Variants in RBFOX3 observed in about 807,000 individuals in gnomAD.
RBFOX3 encodes RNA binding fox-1 homolog 3.
In RBFOX3, 17 loss-of-function variants were observed where a neutral mutation model predicts 48.7. The ratio of observed to expected loss-of-function variants is 0.35; its 90% confidence interval spans 0.24 to 0.52. The LOEUF (loss-of-function observed/expected upper bound fraction) is 0.52, where lower values mean the gene tolerates loss of function less well. Among genes scored for constraint, RBFOX3 ranks in the 20% least tolerant of loss-of-function variants. The probability of loss-of-function intolerance (pLI) is 0.94; values close to 1 mark genes in which losing one functional copy is unlikely to be tolerated. For synonymous variants in RBFOX3, 212 were observed against 209.5 expected, an observed-to-expected ratio of 1.01 and a Z score of -0.10; for missense variants, 382 against 497.5, an observed-to-expected ratio of 0.77 and a Z score of 2.21.
intron 1 of RBFOX3, among the ~76,000 whole-genome samples, chr17:79,605,367 C>T (rs965505178): frequency 1.3e-5 from 2 of 152,192 alleles, no homozygotes; most frequent in Admixed American, 1.3e-4. Context: ...GTTTCCTTGC[C>T]TGCAAATGGG....
intron 1 of RBFOX3, among the ~76,000 whole-genome samples, chr17:79,538,263 G>A (rs1555789267): frequency 1.3e-5 from 2 of 152,176 alleles, no homozygotes; most frequent in Non-Finnish European, 2.9e-5. Flanking sequence ...GAGCATCTGT[G>A]TGTGCCTGGC....
At chr17:79,156,583 T>G (rs1301957381) in intron 4 of RBFOX3, among the ~76,000 whole-genome samples, 6 of 152,206 alleles carry the variant, frequency 3.9e-5, no homozygotes, top group Non-Finnish European at 5.9e-5. Flanking sequence ...AATTCAGCCT[T>G]TGGGCCAAAT....
intron 14 of RBFOX3, chr17:79,092,492 C>A: frequency 1.0e-6 from 1 of 985,764 alleles, no homozygotes; most frequent in Non-Finnish European, 1.2e-6. Flanking sequence ...TGTCGCTGAC[C>A]GGGAGGGGTG....
chr17:79,363,601 T>A lies in RBFOX3; in HGVS notation c.-174-55777A>T, dbSNP rs1372068318. ...CCCTGGGGGGTCTCCGCGAGCAACA[T>A]ACCTCTTACCCAGGGGCCCAATCGA... On this transcript the variant is annotated intron_variant, in intron 2 of 14. Transcript: ENST00000693108. The surrounding 1 kb of genome is among the most constrained non-coding windows in gnomAD (Gnocchi z 4.7). Among the ~76,000 whole-genome samples, 1 of 151,942 alleles carries A rather than the reference T, an allele frequency of 6.6e-6. No homozygotes were observed. The highest frequency in any genetic ancestry group is 2.4e-5 in the African/African-American group (1 of 41,364).
intron 1 of RBFOX3, among the ~76,000 whole-genome samples, chr17:79,595,047 C>A (rs1265960136): frequency 6.6e-6 from 1 of 152,164 alleles, no homozygotes; most frequent in African/African-American, 2.4e-5. Context: ...CCTGAGGACA[C>A]GCCCTCAGAA....
intron 2 of RBFOX3, among the ~76,000 whole-genome samples, chr17:79,433,675 A>ACCCAG (rs143941362): frequency 0.024 from 3,585 of 151,842 alleles, 91 homozygotes; most frequent in Middle Eastern, 0.061. Flanking sequence ...CAGCTGCAGC[A>ACCCAG]CCCAGCCCAG....
At chr17:79,610,289 A>G (rs1165614986) in intron 1 of RBFOX3, among the ~76,000 whole-genome samples, 1 of 151,856 alleles carries the variant, frequency 6.6e-6, no homozygotes, top group Non-Finnish European at 1.5e-5. Flanking sequence ...GTGCCGCGAC[A>G]GACGCACGTT....
chr17:79,595,513 C>T (rs1303901826), intron 1 of RBFOX3, among the ~76,000 whole-genome samples: 2 of 152,240 alleles, frequency 1.3e-5, no homozygotes, highest in African/African-American at 4.8e-5. Context: ...TCTCTTTCCA[C>T]ATCCATGGAA....
intron 2 of RBFOX3, among the ~76,000 whole-genome samples, chr17:79,310,386 C>T (rs1463622407): frequency 6.6e-6 from 1 of 152,162 alleles, no homozygotes; most frequent in East Asian, 1.9e-4. Flanking sequence ...CCAGCCTGCC[C>T]AGACCAGGGC....
At chr17:79,531,562 G>A (rs934646787) in intron 1 of RBFOX3, among the ~76,000 whole-genome samples, 2 of 152,162 alleles carry the variant, frequency 1.3e-5, no homozygotes, top group African/African-American at 4.8e-5. Flanking sequence ...CCCAGCCCAC[G>A]TCGCTGCCTG....
chr17:79,169,724 A>G (rs1446147674), intron 4 of RBFOX3, among the ~76,000 whole-genome samples: 1 of 152,192 alleles, frequency 6.6e-6, no homozygotes, highest in Non-Finnish European at 1.5e-5. Context: ...CTGGGTGGGG[A>G]GAACGGGAGG....
At chr17:79,120,609 G>C (rs2035433960) in intron 4 of RBFOX3, among the ~76,000 whole-genome samples, 1 of 150,082 alleles carries the variant, frequency 6.7e-6, no homozygotes, top group Non-Finnish European at 1.5e-5. Context: ...AAAGATGGAT[G>C]AATGGATGGA....
Position 79,606,038 on chromosome 17 carries a change from G to A in RBFOX3, c.-320+4788C>T, listed in dbSNP as rs2093822503. On this transcript the variant is annotated intron_variant, in intron 1 of 14. Coordinates refer to ENST00000693108, the MANE Select transcript of RBFOX3 (RefSeq NM_001350451.2). ...CCTATCCCCTGACTGCAGAGCCTTCGATACCACAGTCTTGTCAATGTTTCG... is the reference window on the plus strand; with the variant it reads ...CCTATCCCCTGACTGCAGAGCCTTCAATACCACAGTCTTGTCAATGTTTCG... 1.4e-4 allele frequency among the ~76,000 whole-genome samples: 22 copies of A among 152,294 alleles called. No homozygotes were observed. The South Asian group carries it at 4.6e-3, about 32-fold the overall frequency.
intron 2 of RBFOX3, among the ~76,000 whole-genome samples, chr17:79,351,746 G>A (rs1195555441): frequency 1.3e-5 from 2 of 152,172 alleles, no homozygotes; most frequent in Non-Finnish European, 1.5e-5. Context: ...TCTCATCTGA[G>A]ATATGATGTG....
intron 2 of RBFOX3, among the ~76,000 whole-genome samples, chr17:79,309,366 C>T (rs1013796852): frequency 5.3e-5 from 8 of 152,234 alleles, no homozygotes; most frequent in South Asian, 2.1e-4. Context: ...GCTCTGGCCC[C>T]GTGGGCACTG....
At chr17:79,192,464 G>A (rs1020657281) in intron 4 of RBFOX3, among the ~76,000 whole-genome samples, 1 of 152,222 alleles carries the variant, frequency 6.6e-6, no homozygotes, top group Non-Finnish European at 1.5e-5. Context: ...GCTGCAAGGA[G>A]CCAGCCCCGC....
chr17:79,436,845 G>A (rs1243166794), intron 2 of RBFOX3, among the ~76,000 whole-genome samples: 1 of 152,094 alleles, frequency 6.6e-6, no homozygotes, highest in Non-Finnish European at 1.5e-5. Flanking sequence ...GAGCCAGGGA[G>A]CCCAGGGTTC....
chr17:79,267,882 G>C (rs1386534730), intron 3 of RBFOX3, among the ~76,000 whole-genome samples: 1 of 152,176 alleles, frequency 6.6e-6, no homozygotes, highest in Non-Finnish European at 1.5e-5. Context: ...GCAAGGCAGA[G>C]AGAAAAGGAC....
chr17:79,169,928 G>A (rs1296161242), intron 4 of RBFOX3, among the ~76,000 whole-genome samples: 1 of 151,866 alleles, frequency 6.6e-6, no homozygotes, highest in Non-Finnish European at 1.5e-5. Flanking sequence ...AGGAAAGAAG[G>A]AAGAAGAGAA....
Sources: gnomAD v4.1 joint callset for allele counts (sites outside exome capture counted in the v4.1 genomes callset) on GRCh38, gnomAD v4.1.1 for gene constraint, Gnocchi (gnomAD v3.1) non-coding constraint, MANE v1.5 for transcripts, NCBI Gene and HGNC (gene_info 2026-07-23, HGNC 2026-07-21) for gene names.